Variants in DAB1 observed in about 807,000 individuals in gnomAD.
DAB1 encodes DAB adaptor protein 1.
A neutral mutation model predicts 64.6 loss-of-function variants in DAB1; 15 were observed. That is an observed-to-expected ratio of 0.23 (90% CI 0.16 to 0.36). DAB1 has a LOEUF of 0.36. DAB1 is among the 10% of genes least tolerant of loss of function. The pLI is 1.00. For synonymous variants in DAB1, 235 were observed against 251.9 expected (o/e 0.93, Z 0.64); for missense variants, 596 against 706.7 (o/e 0.84, Z 1.78).
chr1:57,979,940 A>G (rs1281522743), intron 5 of DAB1, among the ~76,000 whole-genome samples: 4 of 152,144 alleles, frequency 2.6e-5, no homozygotes, highest in Non-Finnish European at 5.9e-5. Context: ...TTTATGAACA[A>G]AAAGAAAGGA....
At chr1:57,803,351 TA>T (rs961044963) in intron 6 of DAB1, among the ~76,000 whole-genome samples, 1 of 152,184 alleles carries the variant, frequency 6.6e-6, no homozygotes, top group African/African-American at 2.4e-5. Flanking sequence ...TATCAACCCA[TA>T]ACCTGTTAAA....
chr1:57,783,512 G>A (rs116641762), intron 6 of DAB1, among the ~76,000 whole-genome samples: 1,787 of 152,154 alleles, frequency 0.012, 28 homozygotes, highest in African/African-American at 0.042. Context: ...TTGTCCAGTA[G>A]GTATTTTATT....
intron 5 of DAB1, among the ~76,000 whole-genome samples, chr1:57,928,011 TA>T (rs1277876441): frequency 6.6e-6 from 1 of 152,232 alleles, no homozygotes; most frequent in East Asian, 1.9e-4. Context: ...CACTTTCCCC[TA>T]AACATCTCAG....
intron 9 of DAB1, among the ~76,000 whole-genome samples, chr1:57,028,046 G>A (rs184829629): frequency 3.0e-4 from 46 of 152,250 alleles, no homozygotes; most frequent in Non-Finnish European, 5.9e-4. Flanking sequence ...AGCAACAGGG[G>A]TCTCTACAAG....
chr1:57,032,812 A>G (rs1212996398), intron 9 of DAB1, among the ~76,000 whole-genome samples: 1 of 152,202 alleles, frequency 6.6e-6, no homozygotes, highest in Non-Finnish European at 1.5e-5. Flanking sequence ...TGGCTTCTGT[A>G]TCAATCAATT....
intron 5 of DAB1, among the ~76,000 whole-genome samples, chr1:58,047,454 G>T (rs112592016): frequency 6.6e-6 from 1 of 152,182 alleles, no homozygotes; most frequent in African/African-American, 2.4e-5. Flanking sequence ...TCTGGTGGAT[G>T]TACAGGTGAG....
At chr1:57,065,770 G>A (rs1038844845) in intron 8 of DAB1, among the ~76,000 whole-genome samples, 10 of 152,150 alleles carry the variant, frequency 6.6e-5, no homozygotes, top group South Asian at 2.1e-4. Flanking sequence ...CACAGGCTGC[G>A]ACTCAGACAG....
chr1:58,336,245 C>T (rs1408086473), intron 4 of DAB1, among the ~76,000 whole-genome samples: 1 of 152,148 alleles, frequency 6.6e-6, no homozygotes, highest in Admixed American at 6.5e-5. Flanking sequence ...CCTCAGCATG[C>T]TGGGGTCTAG....
intron 1 of DAB1, among the ~76,000 whole-genome samples, chr1:57,856,102 CAG>C (rs909233810): frequency 6.6e-6 from 1 of 152,146 alleles, no homozygotes; most frequent in South Asian, 2.1e-4. Flanking sequence ...GACTTATCAG[CAG>C]AGAGTCGGTA....
At chr1:57,070,083 G>A (rs115815540) in intron 7 of DAB1, among the ~76,000 whole-genome samples, 1 of 152,132 alleles carries the variant, frequency 6.6e-6, no homozygotes, top group Non-Finnish European at 1.5e-5. Flanking sequence ...ACGTCATTAC[G>A]TGCATCTTTG....
chr1:57,746,396 A>C (rs1240907025), intron 6 of DAB1, among the ~76,000 whole-genome samples: 2 of 152,102 alleles, frequency 1.3e-5, no homozygotes, highest in Non-Finnish European at 2.9e-5. Context: ...TTAAATACTC[A>C]CTAATCTGAT....
intron 7 of DAB1, among the ~76,000 whole-genome samples, chr1:57,585,811 G>A (rs537320094): frequency 6.6e-6 from 1 of 152,292 alleles, no homozygotes; most frequent in South Asian, 2.1e-4. Flanking sequence ...CATATAATAA[G>A]TTATGGATAA....
intron 1 of DAB1, among the ~76,000 whole-genome samples, chr1:57,855,288 T>A (rs987103554): frequency 1.3e-5 from 2 of 152,144 alleles, no homozygotes; most frequent in Admixed American, 6.6e-5. Flanking sequence ...TCCTCATTCA[T>A]TTACTCATTC....
intron 3 of DAB1, among the ~76,000 whole-genome samples, chr1:58,490,304 T>G: frequency 6.6e-6 from 1 of 152,136 alleles, no homozygotes; most frequent in East Asian, 1.9e-4. Context: ...TGCACAAGCC[T>G]CAGTAGCCGA....
At chr1:57,123,907 T>C (rs1233002125) in intron 4 of DAB1, among the ~76,000 whole-genome samples, 1 of 152,172 alleles carries the variant, frequency 6.6e-6, no homozygotes, top group African/African-American at 2.4e-5. Flanking sequence ...AGTGGTGAGA[T>C]TTCACATAAT....
chr1:57,140,377 C>T (rs1169849951), intron 3 of DAB1, among the ~76,000 whole-genome samples: 1 of 152,048 alleles, frequency 6.6e-6, no homozygotes, highest in Non-Finnish European at 1.5e-5. Flanking sequence ...ATCAAATGTC[C>T]TCCTAGAACC....
chr1:58,406,555 G>T (rs2100568156), intron 3 of DAB1, among the ~76,000 whole-genome samples: 1 of 152,276 alleles, frequency 6.6e-6, no homozygotes, highest in South Asian at 2.1e-4. Flanking sequence ...GAGGAGGATG[G>T]GATAATTGCA....
rs551332155 is a variant in DAB1 at position 57,040,286 on chromosome 1, G to T, written c.724-14243C>A. 5.3e-5 allele frequency among the ~76,000 whole-genome samples: 8 copies of T among 152,170 alleles called. 1 individual carries two copies. In the South Asian group the frequency reaches 1.7e-3, roughly 32 times the overall value. ...GAAATGCTGTTGTCATGGGATAGAG[G>T]GCAGTCATCATAAAAACAGAGATGA... On this transcript the variant is annotated intron_variant, in intron 9 of 14. Coordinates refer to ENST00000371236, the MANE Select transcript of DAB1 (RefSeq NM_001365792.1).
intron 2 of DAB1, among the ~76,000 whole-genome samples, chr1:57,253,276 T>C (rs1469841779): frequency 6.6e-6 from 1 of 152,114 alleles, no homozygotes; most frequent in Non-Finnish European, 1.5e-5. Flanking sequence ...TGACTGTTAG[T>C]TCTACACACC....
Sources: allele counts gnomAD v4.1 joint callset (sites outside exome capture counted in the v4.1 genomes callset), GRCh38; gene constraint gnomAD v4.1.1; transcripts MANE v1.5; gene names NCBI Gene and HGNC (gene_info 2026-07-23, HGNC 2026-07-21).